Variants in CDH18 observed in about 807,000 individuals in gnomAD.
The protein encoded by CDH18 is cadherin 18, also known as cadherin-18.
In CDH18, 31 loss-of-function variants were observed where a neutral mutation model predicts 67.9. The ratio of observed to expected loss-of-function variants is 0.46; its 90% CI spans 0.34 to 0.62. The LOEUF is 0.62. CDH18 is among the 20% of genes least tolerant of loss of function. The pLI, the probability that CDH18 is intolerant of heterozygous loss-of-function variation, is 0.01. For missense variants in CDH18, 890 were observed against 975.5 expected (o/e 0.91, Z 1.17); for synonymous variants, 362 against 347.2 (o/e 1.04, Z -0.48).
At chr5:19,649,352 T>TA (rs1755241180) in intron 5 of CDH18, among the ~76,000 whole-genome samples, 1 of 152,136 alleles carries the variant, frequency 6.6e-6, no homozygotes, top group Admixed American at 6.5e-5. Context: ...AAGTTAAAGA[T>TA]ATGTGTTCAG....
chr5:19,906,473 T>G (rs1579527658), intron 2 of CDH18, among the ~76,000 whole-genome samples: 1 of 152,094 alleles, frequency 6.6e-6, no homozygotes, highest in African/African-American at 2.4e-5. Flanking sequence ...ATATTAAAGA[T>G]ATTTCTGATT....
At chr5:19,900,773 T>C (rs757228654) in intron 2 of CDH18, among the ~76,000 whole-genome samples, 14 of 152,142 alleles carry the variant, frequency 9.2e-5, no homozygotes, top group Non-Finnish European at 2.1e-4. Context: ...TTTCAATTAT[T>C]TGTTCTCCTG....
chr5:20,539,231 A>T (rs1158783730), intron 1 of CDH18, among the ~76,000 whole-genome samples: 1 of 152,086 alleles, frequency 6.6e-6, no homozygotes, highest in Non-Finnish European at 1.5e-5. Context: ...CAGGGATAGG[A>T]AAGAAAATTC....
chr5:20,027,763 C>T (rs1022183796), intron 2 of CDH18, among the ~76,000 whole-genome samples: 1 of 152,186 alleles, frequency 6.6e-6, no homozygotes, highest in Non-Finnish European at 1.5e-5. Flanking sequence ...AATTTTGCTT[C>T]TAATTTTTAT....
intron 2 of CDH18, among the ~76,000 whole-genome samples, chr5:20,247,090 T>G (rs1320618800): frequency 6.6e-6 from 1 of 152,160 alleles, no homozygotes; most frequent in Non-Finnish European, 1.5e-5. Context: ...TCACAATTAA[T>G]GCCTTCCCAA....
chr5:20,222,051 CTGGACCACCT>C (rs1189286190), intron 2 of CDH18, among the ~76,000 whole-genome samples: 2 of 152,096 alleles, frequency 1.3e-5, no homozygotes, highest in African/African-American at 4.8e-5. Context: ...TTGCTCTTCC[CTGGACCACCT>C]TGGTTTAGAG....
At chr5:19,728,713 C>T (rs1019407784) in intron 4 of CDH18, among the ~76,000 whole-genome samples, 1 of 152,086 alleles carries the variant, frequency 6.6e-6, no homozygotes, top group African/African-American at 2.4e-5. Flanking sequence ...CATGACTTGT[C>T]AGGGTTAACA....
intron 1 of CDH18, among the ~76,000 whole-genome samples, chr5:20,491,619 G>C (rs1054866864): frequency 6.6e-6 from 1 of 152,164 alleles, no homozygotes; most frequent in Admixed American, 6.6e-5. Context: ...CAAGTCCAAA[G>C]AGCATCAGCG....
chr5:20,061,296 T>C lies in CDH18; in HGVS notation c.-517-69282A>G, dbSNP rs956848241. ...ATTATTTAGAAATAAATAATGAAAA[T>C]AAATACATATAAACACAATTAGAAA... On this transcript the variant is annotated intron_variant, in intron 2 of 14. Coordinates refer to the CDH18 transcript ENST00000507958. 1.4e-4 allele frequency among the ~76,000 whole-genome samples: 21 copies of C among 152,084 alleles called. No homozygotes were observed. In the East Asian group the frequency reaches 2.9e-3, roughly 21 times the overall value.
At chr5:19,615,144 T>C (rs1749619602) in intron 5 of CDH18, among the ~76,000 whole-genome samples, 1 of 86,002 alleles carries the variant, frequency 1.2e-5, no homozygotes, top group Non-Finnish European at 2.6e-5. Flanking sequence ...AGACTCCATC[T>C]CAAAAAAGAA....
At chr5:20,104,543 A>T (rs1316890531) in intron 2 of CDH18, among the ~76,000 whole-genome samples, 8 of 152,170 alleles carry the variant, frequency 5.3e-5, no homozygotes, top group Non-Finnish European at 1.2e-4. Context: ...AGAAGACAAA[A>T]TAAAACAACT....
intron 1 of CDH18, among the ~76,000 whole-genome samples, chr5:20,376,091 A>AT (rs562655039): frequency 0.061 from 3,029 of 49,764 alleles, 758 homozygotes; most frequent in African/African-American, 0.15. Context: ...AAAAGAAACA[A>AT]TTTTTTTTTT....
chr5:19,644,127 T>C (rs4329021), intron 5 of CDH18, among the ~76,000 whole-genome samples: 151,754 of 152,212 alleles, frequency 1, 75,649 homozygotes, highest in Non-Finnish European at 1. Context: ...GAAAAGAGGA[T>C]AAATTAAGCA....
chr5:19,475,549 CACACAT>C (rs534575054), intron 12 of CDH18, among the ~76,000 whole-genome samples: 6 of 151,998 alleles, frequency 3.9e-5, no homozygotes, highest in East Asian at 3.9e-4. Context: ...CACACACACA[CACACAT>C]ACACACACAC....
At chr5:20,061,940 TG>T in intron 2 of CDH18, among the ~76,000 whole-genome samples, 1 of 152,056 alleles carries the variant, frequency 6.6e-6, no homozygotes. Flanking sequence ...AACACTTCCA[TG>T]GCCCTCATTG....
intron 5 of CDH18, among the ~76,000 whole-genome samples, chr5:19,684,850 AG>A (rs1184153889): frequency 1.3e-5 from 2 of 152,160 alleles, no homozygotes; most frequent in Admixed American, 1.3e-4. Flanking sequence ...TGTGTCGTCA[AG>A]TATCTTTTAT....
chr5:19,472,799 G>A lies in CDH18; in HGVS notation c.*427C>T, dbSNP rs1172569208. Reference sequence around the variant, plus strand: ...ACCCAGAAAAGTGATAAAAGAGGTTGTGATTACCTTCACAAGTTTCCTGTA... The same window carrying A: ...ACCCAGAAAAGTGATAAAAGAGGTTATGATTACCTTCACAAGTTTCCTGTA... On this transcript the variant is annotated 3_prime_UTR_variant, in exon 13 of 13. Coordinates refer to ENST00000382275, the MANE Select transcript of CDH18 (RefSeq NM_004934.5). Among the ~76,000 whole-genome samples the A allele has an allele frequency of 6.6e-6, 1 of 152,052 alleles. No homozygotes were observed. The highest frequency in any genetic ancestry group is 1.5e-5 in the Non-Finnish European group (1 of 68,028).
At chr5:20,045,705 T>C (rs190917551) in intron 2 of CDH18, among the ~76,000 whole-genome samples, 6 of 152,108 alleles carry the variant, frequency 3.9e-5, no homozygotes, top group Admixed American at 3.9e-4. Context: ...ATAGTGTCAT[T>C]AAGATCCTCT....
rs1738908252 is a variant in CDH18 at position 20,195,560 on chromosome 5, T to G, written c.-518+59884A>C. ...TGGTAGAATTATTTTACTGCATAGATAAATTCATTGGTATATCTATGATTG... is the reference window on the plus strand; with the variant it reads ...TGGTAGAATTATTTTACTGCATAGAGAAATTCATTGGTATATCTATGATTG... On this transcript the variant is annotated intron_variant, in intron 2 of 14. Transcript: ENST00000507958. Among the ~76,000 whole-genome samples the G allele has an allele frequency of 3.9e-5, 6 of 152,166 alleles. No individual in the cohort carries two copies. In the South Asian group the frequency reaches 1.2e-3, roughly 32 times the overall value.
Sources: allele counts gnomAD v4.1 joint callset (sites outside exome capture counted in the v4.1 genomes callset), GRCh38; gene constraint gnomAD v4.1.1; transcripts MANE v1.5; gene names NCBI Gene and HGNC (gene_info 2026-07-23, HGNC 2026-07-21).